C19orf81: variants seen among roughly 807,000 people sequenced by gnomAD.
The protein encoded by C19orf81 is putative uncharacterized protein C19orf81.
C19orf81 carries 19 observed loss-of-function variants against 22.1 expected under a neutral mutation model. The ratio of observed to expected loss-of-function variants is 0.86; its 90% CI spans 0.60 to 1.26. The LOEUF is 1.26. C19orf81 is among the 50% of genes most tolerant of loss of function. The probability of loss-of-function intolerance (pLI) is 0.00; values close to 1 mark genes in which losing one functional copy is unlikely to be tolerated. For missense variants in C19orf81, 287 were observed against 280.7 expected (o/e 1.02, Z -0.16); for synonymous variants, 108 against 113.1 (o/e 0.95, Z 0.29).
chr19:50,649,523 T>C lies in C19orf81; in HGVS notation c.67+12T>C. Reference sequence around the variant, plus strand: ...GCACAGGAAGGCAGGTACTGAGCTGTGTCTTTGGGGGAAGGGGTGGACTTC... The same window carrying C: ...GCACAGGAAGGCAGGTACTGAGCTGCGTCTTTGGGGGAAGGGGTGGACTTC... On this transcript the variant is annotated intron_variant, in intron 1 of 4. Coordinates refer to ENST00000425202, the MANE Select transcript of C19orf81 (RefSeq NM_001195076.2). 2 of 1,536,088 alleles carry C rather than the reference T, an allele frequency of 1.3e-6. No homozygotes were observed. The highest frequency in any genetic ancestry group is 1.2e-5 in the South Asian group (1 of 84,048).
At chr19:50,652,570 G>A (rs1419889578) in intron 1 of C19orf81, among the ~76,000 whole-genome samples, 2 of 152,182 alleles carry the variant, frequency 1.3e-5, no homozygotes, top group African/African-American at 4.8e-5. Context: ...GGGTCAGAGA[G>A]TCCAAGTCGC....
chr19:50,658,245 T>G, intron 4 of C19orf81, 117 bp downstream of exon 4: 1 of 1,095,112 alleles, frequency 9.1e-7, no homozygotes, highest in East Asian at 2.7e-5. Context: ...AGTGAAAGCA[T>G]GAATGGGCGG....
intron 1 of C19orf81, 85 bp from the exon 2 acceptor site, chr19:50,655,965 G>A: frequency 1.5e-6 from 2 of 1,306,116 alleles, no homozygotes; most frequent in South Asian, 2.5e-5. Context: ...GGTGTGGCAT[G>A]GGCAAGCAAT....
Position 50,656,303 on chromosome 19 carries a change from C to T in C19orf81, c.218C>T (p.Thr73Ile). The change falls in exon 3 of 5, where the codon ACA (threonine) becomes ATA (isoleucine). Residue 73 changes from threonine to isoleucine, a missense_variant. Coordinates refer to ENST00000425202, the MANE Select transcript of C19orf81 (RefSeq NM_001195076.2). ...RELPCIRKFP[T>I]PPASQPLCLC... ...CTCCCGTGCATCCGGAAGTTCCCCA[C>T]ACCACCAGCTTCCCAGCCCCTCTGC... 2.0e-6 allele frequency: 3 copies of T among 1,536,250 alleles called. No homozygotes were observed. Among genetic ancestry groups the T allele is most frequent in the Non-Finnish European group, 2.6e-6 (3 of 1,146,914 alleles).
intron 1 of C19orf81, among the ~76,000 whole-genome samples, chr19:50,652,359 C>T (rs988494093): frequency 2.0e-5 from 3 of 152,086 alleles, no homozygotes; most frequent in East Asian, 1.9e-4. Context: ...CCTGCCCTTA[C>T]GTTGCTCAGA....
At chr19:50,658,872 C>A in intron 4 of C19orf81, 75 bp from the exon 5 acceptor site, 5 of 1,295,210 alleles carry the variant, frequency 3.9e-6, no homozygotes, top group Non-Finnish European at 5.1e-6. Context: ...AGGGACCAGG[C>A]AGGGACTCTT....
rs1160779149 is a variant in C19orf81, at chr19:50,659,109, G to A, written c.564G>A (p.Glu188=). 36 of 1,468,234 alleles carry A rather than the reference G, an allele frequency of 2.5e-5. No homozygotes were observed. Among genetic ancestry groups the A allele is most frequent in the Non-Finnish European group, 3.1e-5 (34 of 1,111,508 alleles). The allele number at this position is 1,468,234 out of a possible 1,614,324, so 91.0% of individuals were successfully genotyped here. ...CCCTGGTCCGGCGGCGCATGCTCGA[G>A]GCCCTGGGGGCGGAGCCGAACGAGG... ...RRSLVRRRML[E]ALGAEPNEEA Residue 188 remains glutamate (E), a synonymous_variant, in exon 5 of 5, where the codon GAG becomes GAA. Transcript: ENST00000425202.
At chr19:50,651,278 C>A (rs974450957) in intron 1 of C19orf81, among the ~76,000 whole-genome samples, 3 of 152,164 alleles carry the variant, frequency 2.0e-5, no homozygotes, top group Non-Finnish European at 4.4e-5. Context: ...TTCTCTTTTG[C>A]TCAAAAACCT....
chr19:50,654,613 C>CCCTT (rs200893812), intron 1 of C19orf81, among the ~76,000 whole-genome samples: 54 of 149,250 alleles, frequency 3.6e-4, no homozygotes, highest in East Asian at 3.0e-3. Context: ...CTCCCTCCCT[C>CCCTT]CCTTCCTTCC....
chr19:50,657,197 C>T (rs1985015125), intron 3 of C19orf81, among the ~76,000 whole-genome samples: 1 of 152,020 alleles, frequency 6.6e-6, no homozygotes, highest in South Asian at 2.1e-4. Context: ...TCCAAGGTAC[C>T]CTCTCAGCTA....
chr19:50,658,198 CGTG>C (rs1985043515), intron 4 of C19orf81, 70 bp downstream of exon 4: 3 of 1,444,728 alleles, frequency 2.1e-6, no homozygotes, highest in South Asian at 1.3e-5. Context: ...CGGGTAAGAG[CGTG>C]GTTGGTTTTA....
intron 1 of C19orf81, among the ~76,000 whole-genome samples, chr19:50,651,282 A>G (rs1336175514): frequency 2.6e-5 from 4 of 152,256 alleles, no homozygotes; most frequent in Non-Finnish European, 1.5e-5. Context: ...CTTTTGCTCA[A>G]AAACCTTGGC....
rs1270031961 is a variant in C19orf81, at chr19:50,657,999, A to G, written c.272A>G (p.Asp91Gly). Residue 91 changes from aspartate (D) to glycine (G), a missense_variant, in exon 4 of 5, where the codon GAT (aspartate) becomes GGT (glycine). By Grantham distance (94) the Asp-to-Gly change is moderately conservative (BLOSUM62 -1). Transcript: ENST00000425202. The stretch of plus-strand genomic sequence containing the variant: ...CTCCGACACCCGCAGCCCGAGGAGG[A>G]TTTTACCCACCTGGAGGTGCTGCAA... ...CLCMETLPEE[D>G]FTHLEVLQAL... 5 of 1,531,236 alleles carry G rather than the reference A, an allele frequency of 3.3e-6. No individual in the cohort carries two copies. Among genetic ancestry groups the G allele is most frequent in the Non-Finnish European group, 4.4e-6 (5 of 1,145,090 alleles). The allele number at this position is 1,531,236 out of a possible 1,614,324, so 94.9% of individuals were successfully genotyped here.
intron 1 of C19orf81, among the ~76,000 whole-genome samples, chr19:50,651,129 C>A (rs373735392): frequency 3.3e-5 from 5 of 152,310 alleles, no homozygotes; most frequent in African/African-American, 1.2e-4. Flanking sequence ...ATGGATGAAA[C>A]GGCCTGGCTT....
chr19:50,651,577 A>G (rs1458515716), intron 1 of C19orf81, among the ~76,000 whole-genome samples: 4 of 152,126 alleles, frequency 2.6e-5, no homozygotes, highest in African/African-American at 9.7e-5. Flanking sequence ...GCCTGTTAAA[A>G]AAATTTAACC....
intron 1 of C19orf81, 87 bp downstream of exon 1, chr19:50,649,598 C>T: frequency 7.2e-7 from 1 of 1,387,354 alleles, no homozygotes; most frequent in Non-Finnish European, 9.9e-7. Flanking sequence ...TGGCCTTAAG[C>T]GAGTCACTGG....
At chr19:50,653,889 A>T (rs976463071) in intron 1 of C19orf81, among the ~76,000 whole-genome samples, 2 of 152,050 alleles carry the variant, frequency 1.3e-5, no homozygotes, top group African/African-American at 2.4e-5. Flanking sequence ...GGGAATCTTC[A>T]TCTCATTGGG....
At position 50,658,986 on chromosome 19, in the gene C19orf81, C is replaced by G; in HGVS notation, c.441C>G (p.Arg147=). ...IAVTDFQTRS[R]LLRSGLSPRG... ...TCACGGACTTCCAGACGCGCTCGCG[C>G]TTGCTGCGCTCCGGGCTCAGTCCCC... Residue 147 remains arginine, a synonymous_variant, in exon 5 of 5, where the codon CGC becomes CGG. Transcript: ENST00000425202. 4.6e-6 allele frequency: 7 copies of G among 1,521,438 alleles called. No individual in the cohort carries two copies. In the South Asian group the frequency reaches 7.3e-5, roughly 16 times the overall value. 94.2% of individuals were successfully genotyped at this position (1,521,438 alleles called of 1,614,324 possible).
At chr19:50,651,546 C>T (rs1984879280) in intron 1 of C19orf81, among the ~76,000 whole-genome samples, 1 of 152,108 alleles carries the variant, frequency 6.6e-6, no homozygotes, top group East Asian at 1.9e-4. Flanking sequence ...TCCTCCAAGG[C>T]ACACAGGGGC....
Sources: allele counts gnomAD v4.1 joint callset (sites outside exome capture counted in the v4.1 genomes callset), GRCh38; gene constraint gnomAD v4.1.1; transcripts MANE v1.5; gene names NCBI Gene and HGNC (gene_info 2026-07-23, HGNC 2026-07-21).